SLIT3: variants seen among roughly 807,000 people sequenced by gnomAD.
SLIT3 encodes slit homolog 3 protein.
A neutral mutation model predicts 184.0 loss-of-function variants in SLIT3; 68 were observed. The ratio of observed to expected loss-of-function variants is 0.37; its 90% CI spans 0.30 to 0.45. SLIT3 has a LOEUF of 0.45. SLIT3 is among the 20% of genes least tolerant of loss of function. The pLI is 1.00. For synonymous variants in SLIT3, 831 were observed against 828.6 expected (o/e 1.00, Z -0.05); for missense variants, 1,707 against 2,026.0 (o/e 0.84, Z 3.02).
chr5:169,092,090 G>A (rs1444812252), intron 4 of SLIT3, among the ~76,000 whole-genome samples: 2 of 152,336 alleles, frequency 1.3e-5, no homozygotes, highest in East Asian at 3.9e-4. Flanking sequence ...AGGCGTGGTG[G>A]CAGGCAGCTA....
chr5:169,225,835 T>G, intron 3 of SLIT3, among the ~76,000 whole-genome samples: 1 of 152,114 alleles, frequency 6.6e-6, no homozygotes, highest in East Asian at 1.9e-4. Context: ...GGAACCAAAG[T>G]TTGGTTTCTA....
At chr5:169,169,889 G>C (rs1202391404) in intron 4 of SLIT3, among the ~76,000 whole-genome samples, 1 of 152,224 alleles carries the variant, frequency 6.6e-6, no homozygotes, top group Non-Finnish European at 1.5e-5. Context: ...TCCTGATCTT[G>C]ACTGTGTGAT....
At chr5:169,230,419 G>A (rs894922568) in intron 3 of SLIT3, among the ~76,000 whole-genome samples, 1 of 152,130 alleles carries the variant, frequency 6.6e-6, no homozygotes, top group Non-Finnish European at 1.5e-5. Flanking sequence ...TCTCTACTAG[G>A]AGCAAAATAA....
chr5:169,046,311 C>T (rs574141866), intron 4 of SLIT3, among the ~76,000 whole-genome samples: 9 of 152,210 alleles, frequency 5.9e-5, no homozygotes, highest in African/African-American at 1.4e-4. Flanking sequence ...AAGCAAAGAT[C>T]GCAGCACTAG....
intron 20 of SLIT3, among the ~76,000 whole-genome samples, chr5:168,736,612 A>G (rs912482539): frequency 6.7e-6 from 1 of 150,050 alleles, no homozygotes; most frequent in Non-Finnish European, 1.5e-5. Flanking sequence ...ACTGACAGGT[A>G]CCTATAGCCT....
rs141499945 is a variant in SLIT3, at chr5:168,703,813, G to A, written c.2845-3134C>T. ...CTAAAAATACAAAAATTAGCTGGGC[G>A]TGGTGGTGGGCATCCCAGCTACTCA... On this transcript the variant is annotated intron_variant, in intron 26 of 35. Transcript: ENST00000519560. Among the ~76,000 whole-genome samples, 786 of 151,936 alleles carry A rather than the reference G, an allele frequency of 5.2e-3. 10 individuals carry two copies. Among genetic ancestry groups the A allele is most frequent in the African/African-American group, 0.018 (745 of 41,450 alleles).
At chr5:169,110,106 C>A (rs1468354031) in intron 4 of SLIT3, among the ~76,000 whole-genome samples, 6 of 152,098 alleles carry the variant, frequency 3.9e-5, no homozygotes, top group Non-Finnish European at 7.4e-5. Flanking sequence ...CCTCAGCCTC[C>A]CAAAGTGCTG....
chr5:169,109,694 TC>T (rs577925897), intron 4 of SLIT3, among the ~76,000 whole-genome samples: 204 of 152,348 alleles, frequency 1.3e-3, no homozygotes, highest in African/African-American at 4.7e-3. Flanking sequence ...TCTCCCTATT[TC>T]ACTCTGCTCT....
intron 4 of SLIT3, among the ~76,000 whole-genome samples, chr5:169,126,603 C>T (rs1761088819): frequency 6.6e-6 from 1 of 152,236 alleles, no homozygotes; most frequent in Admixed American, 6.5e-5. Flanking sequence ...CTCTCACAAG[C>T]ACTACATCAT....
chr5:169,185,048 C>T (rs1183292176), intron 4 of SLIT3, among the ~76,000 whole-genome samples: 2 of 152,194 alleles, frequency 1.3e-5, no homozygotes, highest in Non-Finnish European at 2.9e-5. Context: ...AGAGAGACGA[C>T]ACCTCCCAGG....
chr5:168,926,505 C>G lies in SLIT3; in HGVS notation c.414-43169G>C, dbSNP rs1581217387. 2.0e-5 allele frequency among the ~76,000 whole-genome samples: 3 copies of G among 152,328 alleles called. No homozygotes were observed. The South Asian group carries it at 6.2e-4, about 32-fold the overall frequency. On this transcript the variant is annotated intron_variant, in intron 4 of 35. Coordinates refer to ENST00000519560, the MANE Select transcript of SLIT3 (RefSeq NM_003062.4). Reference sequence around the variant, plus strand: ...CTCAGCTGGACCATCACAAAGCCAACTCCCTGGGAGCCCTACTTTGTGTTT... The same window carrying G: ...CTCAGCTGGACCATCACAAAGCCAAGTCCCTGGGAGCCCTACTTTGTGTTT...
chr5:169,258,225 A>T (rs993640953), intron 1 of SLIT3, among the ~76,000 whole-genome samples: 5 of 152,172 alleles, frequency 3.3e-5, no homozygotes, highest in African/African-American at 1.2e-4. Flanking sequence ...CACTTATCAC[A>T]TCCTACTGCT....
chr5:168,844,460 A>T, intron 6 of SLIT3, 124 bp downstream of exon 6: 1 of 840,204 alleles, frequency 1.2e-6, no homozygotes, highest in East Asian at 2.7e-5. Flanking sequence ...TGCAGCAGAG[A>T]CCAGAAATGC....
chr5:168,684,406 A>G (rs1287783497), intron 31 of SLIT3, among the ~76,000 whole-genome samples: 1 of 152,212 alleles, frequency 6.6e-6, no homozygotes, highest in Non-Finnish European at 1.5e-5. Context: ...CCTCTGGTGC[A>G]TAACATGATC....
intron 4 of SLIT3, among the ~76,000 whole-genome samples, chr5:169,034,390 A>G (rs116171139): frequency 0.021 from 3,247 of 152,142 alleles, 104 homozygotes; most frequent in African/African-American, 0.072. Flanking sequence ...CAGATCTTAC[A>G]TGTAGGTCTT....
At chr5:168,767,966 T>C (rs574753285) in intron 14 of SLIT3, among the ~76,000 whole-genome samples, 1 of 152,274 alleles carries the variant, frequency 6.6e-6, no homozygotes, top group African/African-American at 2.4e-5. Context: ...GATACAGATC[T>C]CTTTCCCCAG....
intron 30 of SLIT3, among the ~76,000 whole-genome samples, 157 bp from the exon 31 acceptor site, chr5:168,686,084 C>A (rs1203215299): frequency 6.6e-6 from 1 of 152,206 alleles, no homozygotes. Context: ...CTAACCGGGG[C>A]AAGACCTTTT....
At chr5:169,232,092 C>T (rs1765024201) in intron 3 of SLIT3, among the ~76,000 whole-genome samples, 5 of 152,176 alleles carry the variant, frequency 3.3e-5, no homozygotes, top group Admixed American at 3.3e-4. Flanking sequence ...AATATCTTCA[C>T]CCACTCTGGG....
chr5:169,193,597 G>C (rs746044776), intron 3 of SLIT3, 47 bp from the exon 4 acceptor site: 5 of 1,387,640 alleles, frequency 3.6e-6, no homozygotes, highest in Non-Finnish European at 5.1e-6. Context: ...CATTAAACCA[G>C]ATCAAACGTA....
Sources: allele counts gnomAD v4.1 joint callset (sites outside exome capture counted in the v4.1 genomes callset), GRCh38; gene constraint gnomAD v4.1.1; transcripts MANE v1.5; gene names NCBI Gene and HGNC (gene_info 2026-07-23, HGNC 2026-07-21).